The following TNPO3 variants were observed in gnomAD, a reference collection of about 807,000 sequenced individuals.
The protein encoded by TNPO3 is transportin-3.
In TNPO3, 65 loss-of-function variants were observed where a neutral mutation model predicts 122.8. That is an observed-to-expected ratio of 0.53 (90% CI 0.43 to 0.65). The LOEUF (loss-of-function observed/expected upper bound fraction) is 0.65, where lower values mean the gene tolerates loss of function less well. Ranked by LOEUF, TNPO3 falls within the 30% of genes least tolerant of loss-of-function variation. The pLI, the probability that TNPO3 is intolerant of heterozygous loss-of-function variation, is 0.00. For synonymous variants in TNPO3, 372 were observed against 411.2 expected (o/e 0.90, Z 1.15); for missense variants, 850 against 1,136.7 (o/e 0.75, Z 3.63).
intron 1 of TNPO3, among the ~76,000 whole-genome samples, chr7:129,025,229 A>G (rs1804975084): frequency 6.6e-6 from 1 of 151,306 alleles, no homozygotes; most frequent in Admixed American, 6.6e-5. Context: ...GGGTGCCTGT[A>G]ATCCCAGCTA....
rs544998176 is a variant in TNPO3 at position 129,014,990 on chromosome 7, C to T, written c.541G>A (p.Val181Ile). 2 of 1,601,974 alleles carry T rather than the reference C, an allele frequency of 1.2e-6. No individual in the cohort carries two copies. The highest frequency in any genetic ancestry group is 1.1e-5 in the South Asian group (1 of 87,954). ...TCAAACTTACTCACCAATAGAGATA[C>T]TACTGTACTAGAGTAGAAGGCCAAA... is the stretch of plus-strand genomic sequence containing the variant. ...EDLAFYSSTV[V>I]SLLMTCVEKA... The change falls in exon 4 of 23, where the codon GTA (valine) becomes ATA (isoleucine). Residue 181 changes from valine (V) to isoleucine (I), a missense_variant. Transcript: ENST00000265388.
chr7:129,025,429 G>C (rs903024923), intron 1 of TNPO3, among the ~76,000 whole-genome samples: 1 of 130,842 alleles, frequency 7.6e-6, no homozygotes, highest in African/African-American at 2.9e-5. Context: ...GTGTGAGATT[G>C]CCCACTAAGC....
chr7:128,986,733 T>A lies in TNPO3; in HGVS notation c.1686A>T (p.Leu562=). 1 of 1,611,306 alleles carries A rather than the reference T, an allele frequency of 6.2e-7. No homozygotes were observed. The highest frequency in any genetic ancestry group is 1.1e-5 in the South Asian group (1 of 90,648). ...LLSPEAAVGL[L]KGTALVLARL... is the part of the protein sequence containing the mutation. ...TGGTTAACATCAAGTGAGTACCTTT[T>A]AGCAAGCCCACAGCAGCTTCTGGAG... Residue 562 remains leucine, a synonymous_variant, in exon 12 of 23, where the codon CTA becomes CTT. Coordinates refer to ENST00000265388, the MANE Select transcript of TNPO3 (RefSeq NM_012470.4).
chr7:128,974,320 T>TA (rs1449691797), intron 18 of TNPO3, among the ~76,000 whole-genome samples: 1 of 148,148 alleles, frequency 6.8e-6, no homozygotes, highest in East Asian at 2.0e-4. Context: ...GCTGATATGG[T>TA]AACAGTTTTG....
At chr7:129,027,585 A>AC (rs1805378492) in intron 1 of TNPO3, among the ~76,000 whole-genome samples, 1 of 126,458 alleles carries the variant, frequency 7.9e-6, no homozygotes, top group African/African-American at 2.9e-5. Flanking sequence ...AAAAAAAAAA[A>AC]AAAAAACAAC....
chr7:129,007,888 C>T (rs13238352), intron 4 of TNPO3, among the ~76,000 whole-genome samples: 13,854 of 152,162 alleles, frequency 0.091, 868 homozygotes, highest in South Asian at 0.15. Context: ...TGGTGGCTCA[C>T]GGCTGTAATC....
chr7:128,963,840 T>C (rs561160380), intron 21 of TNPO3, among the ~76,000 whole-genome samples: 1 of 152,352 alleles, frequency 6.6e-6, no homozygotes, highest in East Asian at 1.9e-4. Context: ...CTTTCCCTTC[T>C]ATATCTGATT....
intron 4 of TNPO3, 132 bp downstream of exon 4, chr7:129,014,847 G>A (rs892645902): frequency 3.7e-6 from 3 of 818,458 alleles, no homozygotes; most frequent in Admixed American, 3.4e-5. Context: ...ATGGTAAGGT[G>A]TTACATAAAT....
At chr7:129,000,987 A>G in intron 6 of TNPO3, 72 bp downstream of exon 6, 1 of 1,504,698 alleles carries the variant, frequency 6.6e-7, no homozygotes, top group South Asian at 1.2e-5. Context: ...ACAGACGAAT[A>G]ATAAAAAGTG....
chr7:128,998,900 C>A (rs1801628265), intron 7 of TNPO3, among the ~76,000 whole-genome samples: 1 of 151,870 alleles, frequency 6.6e-6, no homozygotes, highest in Non-Finnish European at 1.5e-5. Context: ...GTCACCCAGG[C>A]TGGAGTACAG....
intron 4 of TNPO3, among the ~76,000 whole-genome samples, chr7:129,011,468 C>T (rs36073657): frequency 0.09 from 13,704 of 152,184 alleles, 847 homozygotes; most frequent in South Asian, 0.15. Flanking sequence ...CTTGGCCTCC[C>T]GAGTAGCTGG....
chr7:129,026,394 A>ATTTTTTT (rs969403916), intron 1 of TNPO3, among the ~76,000 whole-genome samples: 2 of 94,714 alleles, frequency 2.1e-5, no homozygotes, highest in African/African-American at 4.5e-5. Flanking sequence ...TGACGTTTGA[A>ATTTTTTT]TTTTTTTTTT....
chr7:129,018,549 T>C (rs1804097589), intron 1 of TNPO3, among the ~76,000 whole-genome samples: 1 of 152,188 alleles, frequency 6.6e-6, no homozygotes, highest in Non-Finnish European at 1.5e-5. Flanking sequence ...TTGCTTAAAA[T>C]AAAGCTTTGT....
intron 1 of TNPO3, among the ~76,000 whole-genome samples, chr7:129,036,042 C>T (rs1584588546): frequency 1.3e-5 from 2 of 151,152 alleles, no homozygotes; most frequent in Middle Eastern, 6.8e-3. Flanking sequence ...TAATCACCGC[C>T]TCCCGGATTC....
chr7:129,015,257 A>G (rs1803705445), intron 3 of TNPO3, 122 bp from the exon 4 acceptor site: 3 of 938,456 alleles, frequency 3.2e-6, no homozygotes, highest in East Asian at 5.6e-5. Context: ...GTTAAGGGGG[A>G]GAAAAAAGAT....
At chr7:129,041,656 C>T (rs980746343) in intron 1 of TNPO3, 2 of 985,486 alleles carry the variant, frequency 2.0e-6, no homozygotes, top group Non-Finnish European at 2.4e-6. Context: ...TCAACTGAAG[C>T]CTGGGGCTCA....
At chr7:129,007,903 C>T (rs1422197936) in intron 4 of TNPO3, among the ~76,000 whole-genome samples, 2 of 152,106 alleles carry the variant, frequency 1.3e-5, no homozygotes, top group Non-Finnish European at 2.9e-5. Context: ...GTAATCCCAG[C>T]ACTTTGAGAG....
At chr7:128,978,955 C>T in intron 16 of TNPO3, 28 bp downstream of exon 16, 3 of 1,612,278 alleles carry the variant, frequency 1.9e-6, no homozygotes, top group Non-Finnish European at 2.5e-6. Context: ...GTACATGGAA[C>T]ACGTCCCCCC....
intron 18 of TNPO3, 140 bp downstream of exon 18, chr7:128,974,728 T>C: frequency 1.4e-6 from 1 of 722,686 alleles, no homozygotes; most frequent in Non-Finnish European, 2.4e-6. Context: ...CAGCTTGCAA[T>C]TTACCTTTGG....
Sources: gnomAD v4.1 joint callset for allele counts (sites outside exome capture counted in the v4.1 genomes callset) on GRCh38, gnomAD v4.1.1 for gene constraint, MANE v1.5 for transcripts, NCBI Gene and HGNC (gene_info 2026-07-23, HGNC 2026-07-21) for gene names.